KLF8: variants seen among roughly 807,000 people sequenced by gnomAD.
The protein encoded by KLF8 is Krueppel-like factor 8.
KLF8 carries 10 observed loss-of-function variants against 18.2 expected under a neutral mutation model. The observed-to-expected ratio is 0.55, with a 90% confidence interval of 0.34 to 0.93. The LOEUF (loss-of-function observed/expected upper bound fraction) is 0.93, where lower values mean the gene tolerates loss of function less well. Among genes scored for constraint, KLF8 ranks in the 40% least tolerant of loss-of-function variants. The pLI, the probability that KLF8 is intolerant of heterozygous loss-of-function variation, is 0.02. For missense variants in KLF8, 264 were observed against 277.9 expected (o/e 0.95, Z 0.36); for synonymous variants, 109 against 97.3 (o/e 1.12, Z -0.71).
At chrX:55,947,640 TAAAAA>T in the KLF8 span, among the ~76,000 whole-genome samples, 3 of 109,634 alleles carry the variant, frequency 2.7e-5, no homozygotes, top group East Asian at 8.5e-4. Flanking sequence ...AGTATAGTAA[TAAAAA>T]AAATGCAATA....
At chrX:56,175,259 C>G in the KLF8 span, among the ~76,000 whole-genome samples, 1 of 111,924 alleles carries the variant, frequency 8.9e-6, no homozygotes, top group Non-Finnish European at 1.9e-5. Flanking sequence ...CCTCTACACA[C>G]TGCTTTGAAT....
the KLF8 span, among the ~76,000 whole-genome samples, chrX:56,209,940 G>A: frequency 1.6e-4 from 18 of 111,918 alleles, no homozygotes; most frequent in African/African-American, 5.5e-4. Context: ...TACTTTTTAA[G>A]TTTGTCCTCC....
At chrX:56,189,765 C>T in the KLF8 span, among the ~76,000 whole-genome samples, 1 of 105,046 alleles carries the variant, frequency 9.5e-6, no homozygotes, top group African/African-American at 3.5e-5. Flanking sequence ...TAAACTATCA[C>T]GAGGACAAAA....
the KLF8 span, among the ~76,000 whole-genome samples, chrX:56,086,084 G>A: frequency 8.9e-6 from 1 of 111,843 alleles, no homozygotes; most frequent in Admixed American, 9.5e-5. Context: ...GAAAACCAAG[G>A]ACATCTCAAG....
At chrX:56,100,128 G>A in the KLF8 span, among the ~76,000 whole-genome samples, 1 of 111,181 alleles carries the variant, frequency 9.0e-6, no homozygotes, top group Non-Finnish European at 1.9e-5. Flanking sequence ...TGAAGTTGAA[G>A]TCAGTGCTCA....
rs1483719179 is a variant in KLF8, at chrX:56,232,452, A to AG, written c.-880dup. The AG allele has an allele frequency of 2.7e-5, 3 of 110,951 alleles. No individual in the cohort carries two copies. The highest frequency in any genetic ancestry group is 5.7e-5 in the Non-Finnish European group (3 of 52,923). 9.1% of individuals were successfully genotyped at this position (110,951 alleles called of 1,213,427 possible). On this transcript the variant is annotated 5_prime_UTR_variant, in exon 1 of 6. Transcript: ENST00000468660. ...GTCACACCTCTCCTTTGGGCCTAGC[A>AG]GGGCCAGAGAAAGACGGAATCACTC...
At chrX:56,199,171 A>ACCATTT in the KLF8 span, among the ~76,000 whole-genome samples, 7 of 112,248 alleles carry the variant, frequency 6.2e-5, no homozygotes, top group Non-Finnish European at 1.1e-4. Flanking sequence ...TTCAGGAAAT[A>ACCATTT]GGCATTGGCA....
rs763303227 is a variant in KLF8 at position 56,269,335 on chromosome X, A to T, written c.647-43A>T. ...GAATCCTGAAAATGATTAAAGAGGC[A>T]CATACATCTTCAGCTCACACTGCTC... On this transcript the variant is annotated intron_variant, in intron 3 of 5. Transcript: ENST00000468660. 137 of 1,157,021 alleles carry T rather than the reference A, an allele frequency of 1.2e-4. No homozygotes were observed. The African/African-American group carries it at 2.1e-3, about 18-fold the overall frequency.
At chrX:56,025,036 TG>T in the KLF8 span, among the ~76,000 whole-genome samples, 1 of 112,738 alleles carries the variant, frequency 8.9e-6, no homozygotes, top group South Asian at 3.7e-4. Flanking sequence ...TCTTTTGGGC[TG>T]GGAATTCATC....
At chrX:56,057,174 T>A in the KLF8 span, among the ~76,000 whole-genome samples, 2 of 111,562 alleles carry the variant, frequency 1.8e-5, no homozygotes, top group Non-Finnish European at 3.8e-5. Flanking sequence ...GGGGCGTAGG[T>A]CTGTGTGCAT....
At chrX:55,963,657 AC>A in the KLF8 span, among the ~76,000 whole-genome samples, 153 of 112,462 alleles carry the variant, frequency 1.4e-3, no homozygotes, top group Non-Finnish European at 2.5e-3. Context: ...GATCAAGATA[AC>A]CACACAATTA....
chrX:56,163,460 C>T, the KLF8 span, among the ~76,000 whole-genome samples: 1 of 111,741 alleles, frequency 8.9e-6, no homozygotes, highest in African/African-American at 3.2e-5. Context: ...TTCTCTTGCA[C>T]ATTTTTTGCA....
intron 1 of KLF8, among the ~76,000 whole-genome samples, chrX:56,247,655 G>A (rs1463331565): frequency 9.2e-6 from 1 of 109,148 alleles, no homozygotes; most frequent in Admixed American, 9.9e-5. Flanking sequence ...AGACACATCA[G>A]CCTAGGCCTA....
At chrX:56,070,547 C>A in the KLF8 span, among the ~76,000 whole-genome samples, 1 of 111,502 alleles carries the variant, frequency 9.0e-6, no homozygotes, top group East Asian at 2.8e-4. Context: ...TCATCCTCAG[C>A]AAACTAACAC....
the KLF8 span, among the ~76,000 whole-genome samples, chrX:56,138,443 C>T: frequency 1.8e-5 from 2 of 111,655 alleles, no homozygotes; most frequent in African/African-American, 6.5e-5. Flanking sequence ...CCAAATCCAG[C>T]AGCTACATCA....
chrX:56,284,249 T>C, intron 5 of KLF8, 64 bp from the exon 6 acceptor site: 2 of 888,382 alleles, frequency 2.3e-6, no homozygotes, highest in Admixed American at 8.4e-5. Flanking sequence ...TGTATTCTAT[T>C]ATCTTTCTAG....
chrX:56,120,442 A>C, the KLF8 span, among the ~76,000 whole-genome samples: 1 of 112,281 alleles, frequency 8.9e-6, no homozygotes, highest in East Asian at 2.8e-4. Context: ...AGACCATTCC[A>C]GGCAGCTGGC....
At chrX:56,104,445 A>G in the KLF8 span, among the ~76,000 whole-genome samples, 1 of 111,384 alleles carries the variant, frequency 9.0e-6, no homozygotes, top group Non-Finnish European at 1.9e-5. Context: ...TAGTCTTGGG[A>G]GGGTGTATGT....
At chrX:56,076,043 G>A in the KLF8 span, among the ~76,000 whole-genome samples, 1 of 109,116 alleles carries the variant, frequency 9.2e-6, no homozygotes, top group Non-Finnish European at 1.9e-5. Context: ...CCACCTATAA[G>A]TGAGAATATG....
Sources: gnomAD v4.1 joint callset for allele counts (sites outside exome capture counted in the v4.1 genomes callset) on GRCh38, gnomAD v4.1.1 for gene constraint, MANE v1.5 for transcripts, NCBI Gene and HGNC (gene_info 2026-07-23, HGNC 2026-07-21) for gene names.